The following SRFBP1 variants were observed in gnomAD, a reference collection of about 807,000 sequenced individuals.
SRFBP1 encodes serum response factor-binding protein 1.
SRFBP1 carries 47 observed loss-of-function variants against 45.5 expected under a neutral mutation model. The ratio of observed to expected loss-of-function variants is 1.03; its 90% CI spans 0.82 to 1.32. SRFBP1 has a LOEUF of 1.32. SRFBP1 is among the 40% of genes most tolerant of loss of function. SRFBP1 has a pLI of 0.00. For missense variants in SRFBP1, 621 were observed against 484.6 expected, an observed-to-expected ratio of 1.28 and a Z score of -2.64; for synonymous variants, 203 against 166.3, an observed-to-expected ratio of 1.22 and a Z score of -1.70.
intron 2 of SRFBP1, among the ~76,000 whole-genome samples, chr5:121,975,079 TCATTAATACAATGG>T (rs1402860250): frequency 1.3e-5 from 2 of 151,962 alleles, no homozygotes. Flanking sequence ...AAAGTAATAG[TCATTAATACAATGG>T]CAAGACAGTA....
At position 122,028,026 on chromosome 5, in the gene SRFBP1, A is replaced by T. The variant is rs1753523694; in HGVS notation, c.*900A>T. The T allele has an allele frequency of 6.6e-6, 1 of 152,196 alleles. No homozygotes were observed. Among genetic ancestry groups the T allele is most frequent in the Non-Finnish European group, 1.5e-5 (1 of 68,032 alleles). 9.4% of individuals were successfully genotyped at this position (152,196 alleles called of 1,614,324 possible). On this transcript the variant is annotated 3_prime_UTR_variant, in exon 8 of 8. Coordinates refer to ENST00000339397, the MANE Select transcript of SRFBP1 (RefSeq NM_152546.3). Reference sequence around the variant, plus strand: ...ATTCTGAAGGTGGTAGGATTAAAAGAATATTTCCACTGATGGCTAAGCAAA... The same window carrying T: ...ATTCTGAAGGTGGTAGGATTAAAAGTATATTTCCACTGATGGCTAAGCAAA...
chr5:122,003,887 G>T (rs1373279974), intron 4 of SRFBP1, among the ~76,000 whole-genome samples: 1 of 152,070 alleles, frequency 6.6e-6, no homozygotes, highest in Non-Finnish European at 1.5e-5. Context: ...TAGGTCCTTT[G>T]CCTATTTTTA....
In SRFBP1 at chr5:122,026,394, T is replaced by C. The variant is rs78839873; in HGVS notation, c.1106-548T>C. Among the ~76,000 whole-genome samples, 639 of 152,374 alleles carry C rather than the reference T, an allele frequency of 4.2e-3. 7 individuals carry two copies. Among genetic ancestry groups the C allele is most frequent in the African/African-American group, 0.015 (619 of 41,586 alleles). On this transcript the variant is annotated intron_variant, in intron 7 of 7. Coordinates refer to ENST00000339397, the MANE Select transcript of SRFBP1 (RefSeq NM_152546.3). ...ACAACTAAAAAAGAACTTTGTCTTA[T>C]ATTCTTGAGTAGACTTAGTACTATT...
Position 121,994,643 on chromosome 5 carries a change from T to C in SRFBP1, c.243T>C (p.Asp81=), listed in dbSNP as rs374436991. 122 of 1,596,568 alleles carry C rather than the reference T, an allele frequency of 7.6e-5. No individual in the cohort carries two copies. Among genetic ancestry groups the C allele is most frequent in the Admixed American group, 1.1e-4 (6 of 55,922 alleles). Residue 81 remains aspartate, a synonymous_variant, in exon 4 of 8, where the codon GAT becomes GAC. Coordinates refer to ENST00000339397, the MANE Select transcript of SRFBP1 (RefSeq NM_152546.3). ...DIVTKSALGD[D]INFEKIFKKP... The stretch of plus-strand genomic sequence containing the variant: ...TAACTAAATCTGCTCTTGGTGATGA[T>C]ATCAACTTTGAAAAAATCTTCAAAA...
chr5:121,963,142 G>C lies in SRFBP1; in HGVS notation c.36+1074G>C, dbSNP rs548850388. On this transcript the variant is annotated intron_variant, in intron 1 of 7. Transcript: ENST00000339397. The stretch of plus-strand genomic sequence containing the variant: ...CCAGGCAGAGGGACTGGTATAAGCA[G>C]GAAAGGGCTAGTAGCAGAAGAACCC... Among the ~76,000 whole-genome samples, 26 of 152,268 alleles carry C rather than the reference G, an allele frequency of 1.7e-4. No homozygotes were observed. The Middle Eastern group carries it at 0.01, about 60-fold the overall frequency.
rs111699834 is a variant in SRFBP1 at position 122,001,856 on chromosome 5, C to T, written c.270+7186C>T. ...GATTACAGGCGTGAGCCACCGCGCC[C>T]GGCCATCCTTTGGTATCTTAAAAGC... is the stretch of plus-strand genomic sequence containing the variant. On this transcript the variant is annotated intron_variant, in intron 4 of 7. Coordinates refer to ENST00000339397, the MANE Select transcript of SRFBP1 (RefSeq NM_152546.3). 6.7e-3 allele frequency among the ~76,000 whole-genome samples: 1,021 copies of T among 152,176 alleles called. 17 individuals carry two copies. The highest frequency in any genetic ancestry group is 0.023 in the African/African-American group (973 of 41,506).
At chr5:122,068,512 C>T (rs1754363427) in intron 2 of SRFBP1, among the ~76,000 whole-genome samples, 1 of 152,052 alleles carries the variant, frequency 6.6e-6, no homozygotes, top group African/African-American at 2.4e-5. Flanking sequence ...TCTCACTTCC[C>T]CTACTCAAAA....
intron 2 of SRFBP1, among the ~76,000 whole-genome samples, chr5:122,047,029 G>A (rs1479273168): frequency 6.6e-6 from 1 of 152,178 alleles, no homozygotes; most frequent in Non-Finnish European, 1.5e-5. Flanking sequence ...TTCTTTTGCT[G>A]TGCAGAAGCT....
At chr5:122,014,016 C>G (rs1753145829) in intron 4 of SRFBP1, among the ~76,000 whole-genome samples, 1 of 151,904 alleles carries the variant, frequency 6.6e-6, no homozygotes, top group Non-Finnish European at 1.5e-5. Context: ...TCAAAATAGC[C>G]AAAAGAGAGG....
chr5:122,028,199 A>G lies in SRFBP1; in HGVS notation c.*1073A>G, dbSNP rs1039551839. 3 of 152,234 alleles carry G rather than the reference A, an allele frequency of 2.0e-5. No individual in the cohort carries two copies. Among genetic ancestry groups the G allele is most frequent in the South Asian group, 4.1e-4 (2 of 4,834 alleles). 9.4% of individuals were successfully genotyped at this position (152,234 alleles called of 1,614,324 possible). A position where few individuals can be genotyped will look rare whatever the true frequency, so the allele number is the denominator to read the frequency against. On this transcript the variant is annotated 3_prime_UTR_variant, in exon 8 of 8. Coordinates refer to ENST00000339397, the MANE Select transcript of SRFBP1 (RefSeq NM_152546.3). ...TTTTGAAGTTCTTGGTAAACTGAAT[A>G]ATGCTAATCCATGTTTCCTGCACAT... is the stretch of plus-strand genomic sequence containing the variant.
intron 2 of SRFBP1, among the ~76,000 whole-genome samples, chr5:122,047,564 T>G (rs1404106207): frequency 6.6e-6 from 1 of 152,164 alleles, no homozygotes; most frequent in Admixed American, 6.5e-5. Flanking sequence ...TTTAAAGTAG[T>G]TTTTTCCAAT....
chr5:122,004,610 A>G (rs753292563), intron 4 of SRFBP1, among the ~76,000 whole-genome samples: 12 of 151,566 alleles, frequency 7.9e-5, no homozygotes, highest in Admixed American at 7.9e-4. Context: ...TCAAAAACCA[A>G]CTCTTGGTTT....
At chr5:122,035,851 CCCTGTT>C (rs1255088550) in intron 2 of SRFBP1, among the ~76,000 whole-genome samples, 3 of 152,154 alleles carry the variant, frequency 2.0e-5, no homozygotes, top group Non-Finnish European at 2.9e-5. Flanking sequence ...GACCTCAAAG[CCCTGTT>C]CACCTTTTAC....
At chr5:122,036,605 C>T (rs1252268625) in intron 2 of SRFBP1, among the ~76,000 whole-genome samples, 1 of 152,108 alleles carries the variant, frequency 6.6e-6, no homozygotes, top group East Asian at 1.9e-4. Context: ...TGAGTTCAGT[C>T]CTGTAAGTGA....
intron 2 of SRFBP1, chr5:122,070,147 G>C: frequency 6.2e-7 from 1 of 1,611,678 alleles, no homozygotes; most frequent in African/African-American, 1.3e-5. Flanking sequence ...TCAGGAACCA[G>C]GTAGCTGGGG....
chr5:122,070,095 T>C lies in SRFBP1; in HGVS notation n.312-5220T>C, dbSNP rs1366992187. On this transcript the variant is annotated intron_variant and non_coding_transcript_variant, in intron 2 of 2. Transcript: ENST00000504881. ...TGAGGCATACGCATGATGTCCTGTG[T>C]AGCGAATGTCACAGCGCACAACATT... is the stretch of plus-strand genomic sequence containing the variant. 1 of 1,613,310 alleles carries C rather than the reference T, an allele frequency of 6.2e-7. No individual in the cohort carries two copies. The highest frequency in any genetic ancestry group is 1.3e-5 in the African/African-American group (1 of 75,000).
chr5:122,069,556 T>C (rs2979867), intron 2 of SRFBP1, among the ~76,000 whole-genome samples: 1 of 152,160 alleles, frequency 6.6e-6, no homozygotes, highest in African/African-American at 2.4e-5. Context: ...CAGAGTATTT[T>C]CCTAGTATCA....
chr5:121,977,615 A>G (rs1249042874), intron 3 of SRFBP1, among the ~76,000 whole-genome samples: 3 of 152,120 alleles, frequency 2.0e-5, no homozygotes, highest in Admixed American at 2.0e-4. Flanking sequence ...CTCAATCTCA[A>G]TTAAATTTGG....
In SRFBP1 at chr5:121,994,632, C is replaced by G. The variant is rs779001876; in HGVS notation, c.232C>G (p.Leu78Val). The change falls in exon 4 of 8, where the codon CTT (leucine) becomes GTT (valine). Residue 78 changes from leucine to valine, a missense_variant. Leu to Val is a conservative substitution (Grantham distance 32). Coordinates refer to ENST00000339397, the MANE Select transcript of SRFBP1 (RefSeq NM_152546.3). ...ACCTGACATAGTAACTAAATCTGCT[C>G]TTGGTGATGATATCAACTTTGAAAA... Reference protein sequence around the residue: ...LKPDIVTKSALGDDINFEKIF... With the variant: ...LKPDIVTKSAVGDDINFEKIF... 1.1e-5 allele frequency: 17 copies of G among 1,596,866 alleles called. No individual in the cohort carries two copies. The highest frequency in any genetic ancestry group is 1.4e-5 in the Non-Finnish European group (17 of 1,173,114).
Sources: allele counts gnomAD v4.1 joint callset (sites outside exome capture counted in the v4.1 genomes callset), GRCh38; gene constraint gnomAD v4.1.1; transcripts MANE v1.5; gene names NCBI Gene and HGNC (gene_info 2026-07-23, HGNC 2026-07-21).